The following RASGRF2 variants were observed in gnomAD, a reference collection of about 807,000 sequenced individuals.
RASGRF2 encodes the protein ras-specific guanine nucleotide-releasing factor 2.
A neutral mutation model predicts 151.0 loss-of-function variants in RASGRF2; 76 were observed. The observed-to-expected ratio is 0.50, with a 90% CI of 0.42 to 0.61. The LOEUF (loss-of-function observed/expected upper bound fraction) is 0.61, where lower values mean the gene tolerates loss of function less well. RASGRF2 is among the 20% of genes least tolerant of loss of function. RASGRF2 has a pLI of 0.00. For missense variants in RASGRF2, 1,148 were observed against 1,564.6 expected (o/e 0.73, Z 4.49); for synonymous variants, 504 against 566.5 (o/e 0.89, Z 1.57).
Position 81,125,847 on chromosome 5 carries a change from G to A in RASGRF2, c.2597-1227G>A, listed in dbSNP as rs139368981. ...TAAATCATAGAGACATAGAAACATG[G>A]GAAGGAGGCTGAAACCTGTGATAAT... On this transcript the variant is annotated intron_variant, in intron 16 of 26. Transcript: ENST00000265080. 4.5e-3 allele frequency among the ~76,000 whole-genome samples: 685 copies of A among 152,342 alleles called. 9 individuals carry two copies. The highest frequency in any genetic ancestry group is 0.015 in the African/African-American group (643 of 41,564).
At chr5:81,094,273 G>C in intron 10 of RASGRF2, 23 bp from the exon 11 acceptor site, 1 of 1,602,750 alleles carries the variant, frequency 6.2e-7, no homozygotes, top group Non-Finnish European at 8.5e-7. Context: ...CAGCGTCTTA[G>C]TGAAAAATTG....
rs72540804 is a variant in RASGRF2, at chr5:80,978,795, GA to G, written c.288+17778del. On this transcript the variant is annotated intron_variant, in intron 1 of 26. Coordinates refer to ENST00000265080, the MANE Select transcript of RASGRF2 (RefSeq NM_006909.3). Reference sequence around the variant, plus strand: ...AGAGTGAAACTCCATCTCAAAAAAAGAAAAAAAAAGGGGGGGAAACAAAACT... The same window carrying G: ...AGAGTGAAACTCCATCTCAAAAAAAGAAAAAAAAGGGGGGGAAACAAAACT... 7.2e-3 allele frequency among the ~76,000 whole-genome samples: 1,060 copies of G among 147,078 alleles called. 18 individuals carry two copies. Among genetic ancestry groups the G allele is most frequent in the African/African-American group, 0.025 (993 of 39,908 alleles).
At chr5:81,149,844 T>C (rs1396603997) in intron 17 of RASGRF2, among the ~76,000 whole-genome samples, 1 of 152,174 alleles carries the variant, frequency 6.6e-6, no homozygotes, top group African/African-American at 2.4e-5. Context: ...TTAGTGGGCT[T>C]CCAGTCTTGA....
chr5:81,109,046 G>A lies in RASGRF2; in HGVS notation c.1806G>A (p.Glu602=). The change falls in exon 13 of 27, where the codon GAG becomes GAA. Residue 602 remains glutamate (E), a synonymous_variant. Transcript: ENST00000265080. ...CNGLMTIVFE[E]NSKVTVPHMI... ...GTTTAATGACTATAGTGTTTGAAGA[G>A]AATTCCAAAGTCACTGTGCCACATA... The A allele has an allele frequency of 6.2e-7, 1 of 1,611,154 alleles. No homozygotes were observed.
intron 1 of RASGRF2, among the ~76,000 whole-genome samples, chr5:80,974,092 A>G (rs1480128577): frequency 6.6e-6 from 1 of 152,182 alleles, no homozygotes. Flanking sequence ...TCTGTCATTC[A>G]TTGGTAGCCT....
chr5:81,141,589 A>T (rs916482594), intron 17 of RASGRF2, among the ~76,000 whole-genome samples: 11 of 152,226 alleles, frequency 7.2e-5, no homozygotes, highest in Admixed American at 7.2e-4. Flanking sequence ...CTTCAAAAAC[A>T]GCAAGAGCTT....
chr5:80,986,194 C>A (rs938229686), intron 1 of RASGRF2, among the ~76,000 whole-genome samples: 1 of 152,168 alleles, frequency 6.6e-6, no homozygotes, highest in Non-Finnish European at 1.5e-5. Flanking sequence ...GGTATAGCTT[C>A]AGCTAAGTTA....
intron 1 of RASGRF2, among the ~76,000 whole-genome samples, chr5:81,033,776 A>G (rs1750359365): frequency 6.6e-6 from 1 of 152,254 alleles, no homozygotes; most frequent in Non-Finnish European, 1.5e-5. Context: ...AGCAATGGCA[A>G]CAAAAGCCAA....
At chr5:81,217,144 G>T in intron 24 of RASGRF2, 1 of 676,522 alleles carries the variant, frequency 1.5e-6, no homozygotes, top group Admixed American at 3.4e-5. Context: ...TTTCAAACAC[G>T]TAGTAAAGCA....
intron 17 of RASGRF2, among the ~76,000 whole-genome samples, chr5:81,151,415 C>T (rs1247077964): frequency 6.8e-6 from 1 of 146,342 alleles, no homozygotes; most frequent in Admixed American, 6.9e-5. Flanking sequence ...GATGGAGTCT[C>T]GCTCTGTCAC....
chr5:81,032,383 T>A (rs1750291873), intron 1 of RASGRF2, among the ~76,000 whole-genome samples: 1 of 152,182 alleles, frequency 6.6e-6, no homozygotes, highest in African/African-American at 2.4e-5. Flanking sequence ...TGAACATCGA[T>A]GTAAAAATCC....
intron 1 of RASGRF2, among the ~76,000 whole-genome samples, chr5:81,036,698 T>G (rs1750509294): frequency 1.3e-5 from 2 of 152,158 alleles, no homozygotes; most frequent in South Asian, 4.1e-4. Flanking sequence ...GTGGCTTCCT[T>G]TCTAGATACT....
At chr5:81,192,183 T>C (rs901579593) in intron 18 of RASGRF2, among the ~76,000 whole-genome samples, 11 of 152,198 alleles carry the variant, frequency 7.2e-5, no homozygotes, top group Non-Finnish European at 1.5e-4. Flanking sequence ...GGGGTTTAAT[T>C]GTCTGTGGGT....
At chr5:81,118,254 G>T (rs1018533381) in intron 15 of RASGRF2, among the ~76,000 whole-genome samples, 2 of 152,258 alleles carry the variant, frequency 1.3e-5, no homozygotes, top group South Asian at 4.1e-4. Flanking sequence ...GGTGAAGGAA[G>T]CTGTGCCTTC....
chr5:81,153,316 A>G (rs1754179076), intron 17 of RASGRF2, among the ~76,000 whole-genome samples: 1 of 152,224 alleles, frequency 6.6e-6, no homozygotes, highest in Non-Finnish European at 1.5e-5. Flanking sequence ...ACTCTGAATT[A>G]TTCAGGCAGG....
intron 1 of RASGRF2, among the ~76,000 whole-genome samples, chr5:80,985,428 A>T (rs945985908): frequency 4.6e-5 from 7 of 152,228 alleles, no homozygotes; most frequent in Non-Finnish European, 8.8e-5. Flanking sequence ...GCTACATAAC[A>T]AGTTCAAAAT....
chr5:81,085,962 G>C (rs779857882), intron 8 of RASGRF2, 51 bp downstream of exon 8: 1 of 1,611,614 alleles, frequency 6.2e-7, no homozygotes, highest in Admixed American at 1.7e-5. Flanking sequence ...CAGCAAGTTA[G>C]TCTCTTGTGG....
intron 1 of RASGRF2, among the ~76,000 whole-genome samples, chr5:81,023,799 T>C (rs1357671506): frequency 6.6e-6 from 1 of 152,210 alleles, no homozygotes; most frequent in African/African-American, 2.4e-5. Flanking sequence ...TCATTAAGTG[T>C]TTCCTCTCCC....
At chr5:81,078,144 A>G (rs2112473266) in intron 5 of RASGRF2, among the ~76,000 whole-genome samples, 1 of 152,322 alleles carries the variant, frequency 6.6e-6, no homozygotes, top group South Asian at 2.1e-4. Flanking sequence ...AGCTGTACAT[A>G]TTTATGAGGT....
Sources: allele counts gnomAD v4.1 joint callset (sites outside exome capture counted in the v4.1 genomes callset), GRCh38; gene constraint gnomAD v4.1.1; transcripts MANE v1.5; gene names NCBI Gene and HGNC (gene_info 2026-07-23, HGNC 2026-07-21).